Variants in CAPS2 observed in about 807,000 individuals in gnomAD.
CAPS2 encodes the protein calcyphosine 2.
A neutral mutation model predicts 86.5 loss-of-function variants in CAPS2; 98 were observed. The ratio of observed to expected loss-of-function variants is 1.13; its 90% CI spans 0.96 to 1.34. The LOEUF (loss-of-function observed/expected upper bound fraction) is 1.34. CAPS2 is among the 40% of genes most tolerant of loss of function. The probability of loss-of-function intolerance (pLI) is 0.00; values close to 1 mark genes in which losing one functional copy is unlikely to be tolerated. For missense variants in CAPS2, 729 were observed against 686.8 expected, an observed-to-expected ratio of 1.06 and a Z score of -0.69; for synonymous variants, 210 against 225.1, an observed-to-expected ratio of 0.93 and a Z score of 0.60.
intron 1 of CAPS2, among the ~76,000 whole-genome samples, chr12:75,382,568 A>G (rs2045058082): frequency 6.6e-6 from 1 of 152,120 alleles, no homozygotes; most frequent in African/African-American, 2.4e-5. Flanking sequence ...TGAACCCAAG[A>G]AGCGGAGGTT....
intron 13 of CAPS2, among the ~76,000 whole-genome samples, chr12:75,290,214 A>C (rs2035596477): frequency 6.6e-6 from 1 of 152,192 alleles, no homozygotes; most frequent in Non-Finnish European, 1.5e-5. Flanking sequence ...TTATCAGTTC[A>C]ACATTTTAAA....
chr12:75,348,179 G>A (rs1434893333), intron 1 of CAPS2, among the ~76,000 whole-genome samples: 1 of 152,096 alleles, frequency 6.6e-6, no homozygotes. Context: ...TATAGCATAA[G>A]CTTAAAGGGA....
chr12:75,289,551 G>GA (rs2035479337), intron 14 of CAPS2, 70 bp downstream of exon 14: 2 of 1,361,340 alleles, frequency 1.5e-6, no homozygotes, highest in Admixed American at 2.2e-5. Context: ...TAAAATTTCA[G>GA]TAGAACAGTG....
intron 1 of CAPS2, among the ~76,000 whole-genome samples, chr12:75,375,094 T>C (rs1347420638): frequency 6.6e-6 from 1 of 152,212 alleles, no homozygotes; most frequent in Non-Finnish European, 1.5e-5. Context: ...TAGAGGCATC[T>C]CTAATGGCTT....
chr12:75,374,180 G>C (rs1014089863), intron 1 of CAPS2, among the ~76,000 whole-genome samples: 1 of 152,190 alleles, frequency 6.6e-6, no homozygotes, highest in Non-Finnish European at 1.5e-5. Context: ...AGCATAATTG[G>C]ATCTGCTGGG....
At chr12:75,350,881 G>A (rs1218168702) in intron 1 of CAPS2, among the ~76,000 whole-genome samples, 1 of 152,158 alleles carries the variant, frequency 6.6e-6, no homozygotes, top group Non-Finnish European at 1.5e-5. Context: ...TTCAGAAGAT[G>A]CATAATAATG....
chr12:75,383,696 C>T (rs1272512017), intron 1 of CAPS2, among the ~76,000 whole-genome samples: 9 of 152,108 alleles, frequency 5.9e-5, no homozygotes, highest in East Asian at 3.9e-4. Context: ...TGTAATAAGA[C>T]GTCTATACAT....
At chr12:75,370,794 T>C (rs1342481740) in intron 1 of CAPS2, among the ~76,000 whole-genome samples, 2 of 152,208 alleles carry the variant, frequency 1.3e-5, no homozygotes, top group African/African-American at 4.8e-5. Context: ...TTAAAAGCCA[T>C]ATAAAATTAG....
chr12:75,295,182 T>C (rs1205627726), intron 11 of CAPS2: 7 of 152,162 alleles, frequency 4.6e-5, no homozygotes, highest in Admixed American at 4.6e-4. Context: ...AGATGAAAAC[T>C]GAAAAAAGAT....
rs1213636312 is a variant in CAPS2, at chr12:75,317,629, AC to A, written c.469-1196del. 6.6e-4 allele frequency among the ~76,000 whole-genome samples: 100 copies of A among 152,152 alleles called. 1 individual carries two copies. The highest frequency in any genetic ancestry group is 6.5e-3 in the Admixed American group (99 of 15,258). On this transcript the variant is annotated intron_variant, in intron 5 of 16. Coordinates refer to ENST00000393284, the Ensembl canonical transcript of CAPS2. ...CTTCCCCTACCTCCAGTTAATGGTA[AC>A]CCTCTTAGGCCAAAAGCCTTAGATC... is the stretch of plus-strand genomic sequence containing the variant.
At chr12:75,367,997 A>T (rs1479108590) in intron 1 of CAPS2, among the ~76,000 whole-genome samples, 1 of 152,128 alleles carries the variant, frequency 6.6e-6, no homozygotes, top group East Asian at 1.9e-4. Context: ...TTTTAATTTG[A>T]ATAAATGTTA....
chr12:75,361,094 A>T (rs1191996945), intron 1 of CAPS2: 2 of 152,128 alleles, frequency 1.3e-5, no homozygotes, highest in African/African-American at 4.8e-5. Flanking sequence ...CAGGAAGGGG[A>T]TGGTTCCCCT....
At chr12:75,297,375 A>G (rs2037086721) in intron 11 of CAPS2, among the ~76,000 whole-genome samples, 1 of 152,100 alleles carries the variant, frequency 6.6e-6, no homozygotes, top group Non-Finnish European at 1.5e-5. Flanking sequence ...TTTTTCCTCA[A>G]CCCATACTTC....
At chr12:75,338,650 C>G (rs1191524286) in intron 1 of CAPS2, among the ~76,000 whole-genome samples, 1 of 151,712 alleles carries the variant, frequency 6.6e-6, no homozygotes, top group Non-Finnish European at 1.5e-5. Context: ...GTTTGTTACA[C>G]AGGTGAACAT....
chr12:75,302,014 G>C (rs1333154744), intron 8 of CAPS2, among the ~76,000 whole-genome samples: 2 of 152,156 alleles, frequency 1.3e-5, no homozygotes, highest in Non-Finnish European at 2.9e-5. Flanking sequence ...TAATTAAACA[G>C]ACTAAGCCAC....
intron 1 of CAPS2, among the ~76,000 whole-genome samples, chr12:75,387,641 G>A (rs998916465): frequency 3.3e-5 from 5 of 152,110 alleles, no homozygotes; most frequent in Non-Finnish European, 7.4e-5. Flanking sequence ...AAAGTCAAGG[G>A]GCCATATCTG....
chr12:75,285,033 C>T (rs1185475806), exon 15 of CAPS2: 1 of 1,611,490 alleles, frequency 6.2e-7, no homozygotes. Context: ...CATAATCAAC[C>T]TTGCCATTGC....
At chr12:75,337,489 TAAAG>T (rs1395784151) in intron 1 of CAPS2, among the ~76,000 whole-genome samples, 1 of 152,012 alleles carries the variant, frequency 6.6e-6, no homozygotes, top group East Asian at 1.9e-4. Context: ...TTTTACAACA[TAAAG>T]AAAATAAATG....
intron 1 of CAPS2, chr12:75,369,455 A>G (rs2044213360): frequency 1.1e-6 from 1 of 898,318 alleles, no homozygotes; most frequent in East Asian, 1.2e-4. Flanking sequence ...CAAAAAAATT[A>G]ATTAATTATT....
Sources: gnomAD v4.1 joint callset for allele counts (sites outside exome capture counted in the v4.1 genomes callset) on GRCh38, gnomAD v4.1.1 for gene constraint, MANE v1.5 for transcripts, NCBI Gene and HGNC (gene_info 2026-07-23, HGNC 2026-07-21) for gene names.